CTNND2: variants seen among roughly 807,000 people sequenced by gnomAD.
CTNND2 encodes catenin delta-2.
In CTNND2, 22 loss-of-function variants were observed where a neutral mutation model predicts 144.4. The observed-to-expected ratio is 0.15, with a 90% CI of 0.11 to 0.22. CTNND2 has a LOEUF of 0.22. Ranked by LOEUF, CTNND2 falls within the 10% of genes least tolerant of loss-of-function variation. CTNND2 has a pLI of 1.00. For synonymous variants in CTNND2, 751 were observed against 695.6 expected (o/e 1.08, Z -1.25); for missense variants, 1,353 against 1,618.8 (o/e 0.84, Z 2.82).
At chr5:11,082,558 A>G (rs919031738) in intron 16 of CTNND2, 138 bp downstream of exon 16, 67 of 944,854 alleles carry the variant, frequency 7.1e-5, no homozygotes, top group Non-Finnish European at 1.0e-4. Context: ...TCAGAAGGAC[A>G]GCAGAAAAAA....
chr5:11,336,292 C>G (rs1018976353), intron 9 of CTNND2, among the ~76,000 whole-genome samples: 1 of 152,146 alleles, frequency 6.6e-6, no homozygotes, highest in African/African-American at 2.4e-5. Flanking sequence ...CAGAACTGGC[C>G]AAGGTCTCTG....
chr5:11,852,394 C>T (rs182829367), intron 1 of CTNND2, among the ~76,000 whole-genome samples: 30 of 152,234 alleles, frequency 2.0e-4, no homozygotes, highest in African/African-American at 5.3e-4. Context: ...TACCTTGACC[C>T]TAAGTGATGG....
At chr5:11,335,131 C>G (rs1400383243) in intron 9 of CTNND2, among the ~76,000 whole-genome samples, 2 of 152,180 alleles carry the variant, frequency 1.3e-5, no homozygotes, top group African/African-American at 4.8e-5. Context: ...AGTCGCTGAA[C>G]ATGTTCTTCA....
intron 2 of CTNND2, among the ~76,000 whole-genome samples, chr5:11,576,959 C>G (rs949480747): frequency 1.3e-5 from 2 of 152,156 alleles, no homozygotes; most frequent in Non-Finnish European, 2.9e-5. Flanking sequence ...GGTACTGCTG[C>G]TGAATTTCTG....
chr5:11,010,143 T>C (rs1478096283), intron 18 of CTNND2, among the ~76,000 whole-genome samples: 1 of 152,260 alleles, frequency 6.6e-6, no homozygotes, highest in Non-Finnish European at 1.5e-5. Flanking sequence ...AAAGTCCTTA[T>C]GTTCTTCCAA....
intron 16 of CTNND2, among the ~76,000 whole-genome samples, chr5:11,074,982 T>A (rs1391762349): frequency 7.0e-6 from 1 of 142,102 alleles, no homozygotes; most frequent in African/African-American, 2.7e-5. Context: ...CCAGAATGAA[T>A]GAAAAGGATG....
At chr5:11,279,387 A>G (rs1451396568) in intron 9 of CTNND2, among the ~76,000 whole-genome samples, 1 of 152,178 alleles carries the variant, frequency 6.6e-6, no homozygotes, top group Non-Finnish European at 1.5e-5. Context: ...TTACCTTGAA[A>G]ATATGCCTGT....
chr5:11,263,698 C>T (rs1179211719), intron 9 of CTNND2, among the ~76,000 whole-genome samples: 2 of 152,180 alleles, frequency 1.3e-5, no homozygotes. Context: ...GAATTCATGC[C>T]TTTACAGTTA....
intron 9 of CTNND2, among the ~76,000 whole-genome samples, chr5:11,252,382 T>C (rs757822831): frequency 6.6e-6 from 1 of 152,110 alleles, no homozygotes; most frequent in Non-Finnish European, 1.5e-5. Flanking sequence ...GGGGGGGAGA[T>C]TATACCTTAG....
At chr5:11,550,605 T>C (rs1775668250) in intron 3 of CTNND2, among the ~76,000 whole-genome samples, 1 of 152,184 alleles carries the variant, frequency 6.6e-6, no homozygotes. Flanking sequence ...TCCTCAGCTC[T>C]TGAGGTACTA....
intron 8 of CTNND2, among the ~76,000 whole-genome samples, chr5:11,357,181 T>A (rs551910917): frequency 2.6e-5 from 4 of 152,254 alleles, no homozygotes; most frequent in African/African-American, 9.6e-5. Context: ...CCTAGGTATA[T>A]ACCCAAAGAA....
At chr5:11,576,945 T>C (rs867836615) in intron 2 of CTNND2, among the ~76,000 whole-genome samples, 2 of 152,158 alleles carry the variant, frequency 1.3e-5, no homozygotes, top group African/African-American at 2.4e-5. Flanking sequence ...CCCAACAATA[T>C]GGTGGTACTG....
chr5:11,164,017 G>A (rs1759051095), intron 11 of CTNND2, among the ~76,000 whole-genome samples: 1 of 152,108 alleles, frequency 6.6e-6, no homozygotes, highest in Non-Finnish European at 1.5e-5. Context: ...AGGATCCCGG[G>A]GAAGATGTGT....
intron 3 of CTNND2, among the ~76,000 whole-genome samples, chr5:11,450,815 T>C (rs780794543): frequency 4.7e-5 from 7 of 148,728 alleles, no homozygotes; most frequent in Non-Finnish European, 1.0e-4. Flanking sequence ...GGAGAATCAC[T>C]TGAACCCGGG....
At chr5:11,500,268 A>T (rs1168990743) in intron 3 of CTNND2, among the ~76,000 whole-genome samples, 1 of 152,144 alleles carries the variant, frequency 6.6e-6, no homozygotes, top group Non-Finnish European at 1.5e-5. Context: ...AGTGTCTGGC[A>T]CAATCCCTAA....
At chr5:11,462,806 T>C (rs1443070507) in intron 3 of CTNND2, among the ~76,000 whole-genome samples, 2 of 151,938 alleles carry the variant, frequency 1.3e-5, no homozygotes, top group East Asian at 1.9e-4. Flanking sequence ...AATCTATGTG[T>C]TTCTTAACAC....
chr5:11,501,621 TAATCCC>T (rs1418307408), intron 3 of CTNND2, among the ~76,000 whole-genome samples: 1 of 152,176 alleles, frequency 6.6e-6, no homozygotes, highest in Non-Finnish European at 1.5e-5. Context: ...GTTGAAACCC[TAATCCC>T]AATGTGACAG....
chr5:10,976,753 T>C (rs1190468862), intron 21 of CTNND2, among the ~76,000 whole-genome samples: 1 of 152,262 alleles, frequency 6.6e-6, no homozygotes, highest in Non-Finnish European at 1.5e-5. Context: ...GTTTATTCCT[T>C]AATGAATTTG....
intron 7 of CTNND2, among the ~76,000 whole-genome samples, chr5:11,383,575 T>C (rs1758743978): frequency 6.6e-6 from 1 of 152,208 alleles, no homozygotes; most frequent in Non-Finnish European, 1.5e-5. Flanking sequence ...CTGCATCCTG[T>C]TAGGCCAGGC....
Sources: allele counts gnomAD v4.1 joint callset (sites outside exome capture counted in the v4.1 genomes callset), GRCh38; gene constraint gnomAD v4.1.1; transcripts MANE v1.5; gene names NCBI Gene and HGNC (gene_info 2026-07-23, HGNC 2026-07-21).